The following SH3BGRL2 variants were observed in gnomAD, a reference collection of about 807,000 sequenced individuals.
SH3BGRL2 encodes SH3 domain-binding glutamic acid-rich-like protein 2.
Under a neutral mutation model 14.8 loss-of-function variants are expected in SH3BGRL2, and 21 were observed. The observed-to-expected ratio is 1.42, with a 90% CI of 1.01 to 2.05. SH3BGRL2 has a LOEUF of 2.05. Ranked by LOEUF, SH3BGRL2 falls within the 30% of genes most tolerant of loss-of-function variation. The pLI is 0.00. For synonymous variants in SH3BGRL2, 50 were observed against 47.8 expected, an observed-to-expected ratio of 1.05 and a Z score of -0.19; for missense variants, 147 against 130.8, an observed-to-expected ratio of 1.12 and a Z score of -0.61.
the SH3BGRL2 span, chr6:79,561,300 A>G: frequency 6.6e-6 from 1 of 152,100 alleles, no homozygotes; most frequent in African/African-American, 2.4e-5. Flanking sequence ...AATATTTTCA[A>G]CATGTCGTCA....
chr6:79,655,081 G>A (rs1445645262), intron 1 of SH3BGRL2, among the ~76,000 whole-genome samples: 1 of 152,108 alleles, frequency 6.6e-6, no homozygotes, highest in Non-Finnish European at 1.5e-5. Flanking sequence ...GGGGGTCGGA[G>A]ATGTGGTCTC....
the SH3BGRL2 span, among the ~76,000 whole-genome samples, chr6:79,577,730 A>G: frequency 6.6e-6 from 1 of 152,344 alleles, no homozygotes; most frequent in Admixed American, 6.5e-5. Flanking sequence ...TGATTTCTGC[A>G]TTTCCAACTG....
intron 1 of SH3BGRL2, among the ~76,000 whole-genome samples, chr6:79,650,656 G>A (rs1769271684): frequency 1.3e-5 from 2 of 152,092 alleles, no homozygotes; most frequent in South Asian, 4.1e-4. Flanking sequence ...AGACAAGAGT[G>A]AGAACTCATG....
intron 2 of SH3BGRL2, among the ~76,000 whole-genome samples, chr6:79,685,355 A>G (rs989883947): frequency 6.6e-6 from 1 of 152,202 alleles, no homozygotes; most frequent in African/African-American, 2.4e-5. Context: ...TAAGACAATC[A>G]GGCCATGTTA....
the SH3BGRL2 span, among the ~76,000 whole-genome samples, chr6:79,556,218 TCTG>T: frequency 9.9e-5 from 15 of 152,278 alleles, no homozygotes; most frequent in East Asian, 2.7e-3. Context: ...AATTGCAATT[TCTG>T]CTATGACAAA....
At chr6:79,693,740 T>A (rs545422596) in intron 2 of SH3BGRL2, among the ~76,000 whole-genome samples, 76 of 152,362 alleles carry the variant, frequency 5.0e-4, no homozygotes, top group African/African-American at 1.8e-3. Context: ...CTTTTTGATA[T>A]ACTGCTGGAT....
chr6:79,560,826 A>G, the SH3BGRL2 span, among the ~76,000 whole-genome samples: 1 of 151,836 alleles, frequency 6.6e-6, no homozygotes, highest in Non-Finnish European at 1.5e-5. Flanking sequence ...CATGTTTAAA[A>G]AGAAGAGTGG....
At chr6:79,634,931 C>A (rs904496800) in intron 1 of SH3BGRL2, among the ~76,000 whole-genome samples, 2 of 152,154 alleles carry the variant, frequency 1.3e-5, no homozygotes, top group African/African-American at 4.8e-5. Flanking sequence ...GGAGAGAGTT[C>A]TTGAGCCCAT....
intron 1 of SH3BGRL2, among the ~76,000 whole-genome samples, chr6:79,648,440 C>T (rs945142954): frequency 6.7e-6 from 1 of 150,314 alleles, no homozygotes; most frequent in Non-Finnish European, 1.5e-5. Flanking sequence ...TGCATTGTGT[C>T]TAGTAAGATT....
intron 1 of SH3BGRL2, among the ~76,000 whole-genome samples, chr6:79,661,777 T>C (rs1196892351): frequency 1.3e-5 from 2 of 152,182 alleles, no homozygotes; most frequent in African/African-American, 2.4e-5. Context: ...AGTCTCTTTG[T>C]AGGTCTCTAA....
chr6:79,543,530 A>G, the SH3BGRL2 span, among the ~76,000 whole-genome samples: 1 of 152,210 alleles, frequency 6.6e-6, no homozygotes, highest in Non-Finnish European at 1.5e-5. Flanking sequence ...TAGTTGTGAA[A>G]TACAGGATAA....
At chr6:79,590,723 A>C in the SH3BGRL2 span, among the ~76,000 whole-genome samples, 1 of 151,958 alleles carries the variant, frequency 6.6e-6, no homozygotes, top group African/African-American at 2.4e-5. Context: ...CCTATTGGGT[A>C]CTATGCTCAA....
chr6:79,601,020 A>C, the SH3BGRL2 span, among the ~76,000 whole-genome samples: 5 of 150,904 alleles, frequency 3.3e-5, no homozygotes, highest in Non-Finnish European at 7.4e-5. Flanking sequence ...CATCAACTCT[A>C]AACAAATCTC....
At chr6:79,613,525 A>G in the SH3BGRL2 span, among the ~76,000 whole-genome samples, 3 of 152,226 alleles carry the variant, frequency 2.0e-5, no homozygotes, top group Non-Finnish European at 4.4e-5. Context: ...AGGCTTTTGT[A>G]TAAACTTTAG....
intron 3 of SH3BGRL2, among the ~76,000 whole-genome samples, chr6:79,698,036 A>G (rs957587315): frequency 1.3e-5 from 2 of 152,220 alleles, no homozygotes; most frequent in African/African-American, 4.8e-5. Flanking sequence ...TTTTGGCCAC[A>G]GTATTAAAGT....
chr6:79,623,657 G>A, the SH3BGRL2 span, among the ~76,000 whole-genome samples: 1 of 152,122 alleles, frequency 6.6e-6, no homozygotes, highest in East Asian at 1.9e-4. Context: ...AAGGTGTCTG[G>A]TTTTTCTCAT....
the SH3BGRL2 span, among the ~76,000 whole-genome samples, chr6:79,541,339 T>G: frequency 1.3e-5 from 2 of 152,134 alleles, no homozygotes; most frequent in Admixed American, 1.3e-4. Context: ...TACCTCAATT[T>G]CTGAATGGCT....
chr6:79,670,078 T>A (rs555694485), intron 1 of SH3BGRL2, among the ~76,000 whole-genome samples: 1 of 152,360 alleles, frequency 6.6e-6, no homozygotes, highest in Admixed American at 6.5e-5. Context: ...ACATAGACAA[T>A]ATGTGAGTGA....
the SH3BGRL2 span, among the ~76,000 whole-genome samples, chr6:79,610,865 G>C: frequency 6.6e-6 from 1 of 152,230 alleles, no homozygotes; most frequent in East Asian, 1.9e-4. Flanking sequence ...AAAAGCCCTG[G>C]GTTTGGGAGA....
Sources: allele counts gnomAD v4.1 joint callset (sites outside exome capture counted in the v4.1 genomes callset), GRCh38; gene constraint gnomAD v4.1.1; transcripts MANE v1.5; gene names NCBI Gene and HGNC (gene_info 2026-07-23, HGNC 2026-07-21).